CYP2J2: variants seen among roughly 807,000 people sequenced by gnomAD.
The protein encoded by CYP2J2 is cytochrome P450 family 2 subfamily J member 2.
A neutral mutation model predicts 48.8 loss-of-function variants in CYP2J2; 41 were observed. The observed-to-expected ratio is 0.84, with a 90% CI of 0.66 to 1.09. CYP2J2 has a LOEUF of 1.09. Ranked by LOEUF, CYP2J2 falls within the 50% of genes least tolerant of loss-of-function variation. The probability of loss-of-function intolerance (pLI) is 0.00; values close to 1 mark genes in which losing one functional copy is unlikely to be tolerated. For synonymous variants in CYP2J2, 221 were observed against 227.1 expected, an observed-to-expected ratio of 0.97 and a Z score of 0.24; for missense variants, 644 against 617.3, an observed-to-expected ratio of 1.04 and a Z score of -0.46.
At chr1:59,917,239 A>G (rs1477302840) in intron 1 of CYP2J2, among the ~76,000 whole-genome samples, 5 of 152,148 alleles carry the variant, frequency 3.3e-5, no homozygotes, top group African/African-American at 1.2e-4. Flanking sequence ...CCACCCAGCG[A>G]GTCTCCGAGG....
At chr1:59,949,770 T>C in the CYP2J2 span, among the ~76,000 whole-genome samples, 1 of 151,940 alleles carries the variant, frequency 6.6e-6, no homozygotes, top group East Asian at 1.9e-4. Context: ...CAGATATTTA[T>C]TTTTCCCTTC....
At position 59,912,314 on chromosome 1, in the gene CYP2J2, G is replaced by A; in HGVS notation, c.374-3C>T. ...CTGGCCACTTGACATAATCAATCCTGGGAAAAAGAAAGTCAACATTACAGT... is the reference window on the plus strand; with the variant it reads ...CTGGCCACTTGACATAATCAATCCTAGGAAAAAGAAAGTCAACATTACAGT... On this transcript the variant is annotated splice_polypyrimidine_tract_variant and splice_region_variant and intron_variant, in intron 2 of 8. Transcript: ENST00000371204. 1 of 1,607,730 alleles carries A rather than the reference G, an allele frequency of 6.2e-7. No homozygotes were observed. The highest frequency in any genetic ancestry group is 8.5e-7 in the Non-Finnish European group (1 of 1,177,770).
intron 1 of CYP2J2, among the ~76,000 whole-genome samples, chr1:59,919,860 A>G (rs1218568339): frequency 6.6e-6 from 1 of 152,206 alleles, no homozygotes; most frequent in African/African-American, 2.4e-5. Flanking sequence ...TTCATGTTCA[A>G]TTTAACAGGC....
intron 5 of CYP2J2, among the ~76,000 whole-genome samples, chr1:59,908,380 G>A (rs780433386): frequency 1.4e-4 from 22 of 152,182 alleles, no homozygotes; most frequent in African/African-American, 4.3e-4. Flanking sequence ...ATGCAAGGAC[G>A]CAGAGCAAAT....
chr1:59,894,944 C>A (rs1644255979), intron 8 of CYP2J2, among the ~76,000 whole-genome samples: 1 of 152,128 alleles, frequency 6.6e-6, no homozygotes, highest in South Asian at 2.1e-4. Flanking sequence ...GCCTTTTATT[C>A]TGAAATAATT....
chr1:59,953,489 G>C, the CYP2J2 span, among the ~76,000 whole-genome samples: 1 of 148,420 alleles, frequency 6.7e-6, no homozygotes, highest in Non-Finnish European at 1.5e-5. Flanking sequence ...TTGATAGAGA[G>C]AGACACCAGT....
At chr1:59,962,081 T>C in the CYP2J2 span, among the ~76,000 whole-genome samples, 2 of 152,036 alleles carry the variant, frequency 1.3e-5, no homozygotes, top group Non-Finnish European at 2.9e-5. Context: ...ACCAAAAACA[T>C]TTAATTGTAT....
intron 4 of CYP2J2, among the ~76,000 whole-genome samples, chr1:59,911,305 A>T (rs1391723237): frequency 6.6e-6 from 1 of 152,132 alleles, no homozygotes; most frequent in Admixed American, 6.6e-5. Context: ...GAGAGGAGAG[A>T]CTCAAGGGCA....
At chr1:59,925,760 A>G (rs969504209) in intron 1 of CYP2J2, among the ~76,000 whole-genome samples, 2 of 152,226 alleles carry the variant, frequency 1.3e-5, no homozygotes, top group East Asian at 3.8e-4. Flanking sequence ...ACTATTTGTT[A>G]TGTACCAACT....
At chr1:59,931,262 C>T (rs918625561), upstream of CYP2J2, among the ~76,000 whole-genome samples, 2 of 152,022 alleles carry the variant, frequency 1.3e-5, no homozygotes, top group Admixed American at 6.6e-5. Flanking sequence ...TATATTTAAG[C>T]TGTAATTGAC....
chr1:59,917,488 G>A (rs1644476619), intron 1 of CYP2J2, among the ~76,000 whole-genome samples: 1 of 152,228 alleles, frequency 6.6e-6, no homozygotes, highest in East Asian at 1.9e-4. Flanking sequence ...AAGCTATTGA[G>A]TGGTGCAGGG....
chr1:59,932,555 A>G, the CYP2J2 span, among the ~76,000 whole-genome samples: 1 of 152,208 alleles, frequency 6.6e-6, no homozygotes, highest in Non-Finnish European at 1.5e-5. Context: ...GTTTTTTACT[A>G]GTAGACATGC....
At chr1:59,959,230 TCTAA>T in the CYP2J2 span, among the ~76,000 whole-genome samples, 7 of 152,192 alleles carry the variant, frequency 4.6e-5, no homozygotes, top group African/African-American at 9.7e-5. Flanking sequence ...ACTCCATGTC[TCTAA>T]CTGCTATTTT....
At chr1:59,895,089 C>CA (rs1397236200) in intron 8 of CYP2J2, among the ~76,000 whole-genome samples, 5 of 152,334 alleles carry the variant, frequency 3.3e-5, no homozygotes, top group African/African-American at 9.6e-5. Flanking sequence ...CCAACATAGT[C>CA]AAAATGCAAC....
chr1:59,954,912 G>A, the CYP2J2 span, among the ~76,000 whole-genome samples: 1 of 151,830 alleles, frequency 6.6e-6, no homozygotes, highest in African/African-American at 2.4e-5. Flanking sequence ...TGAGGTGGGC[G>A]GATCACTTGA....
intron 8 of CYP2J2, among the ~76,000 whole-genome samples, chr1:59,894,374 C>T (rs537501832): frequency 1.4e-4 from 21 of 152,278 alleles, no homozygotes; most frequent in African/African-American, 4.6e-4. Context: ...TGGCCTTCCT[C>T]CTTCAGTGGT....
At position 59,900,978 on chromosome 1, in the gene CYP2J2, C is replaced by G; in HGVS notation, c.1317G>C (p.Met439Ile). Reference sequence around the variant, plus strand: ...ACTACAACTTACCTATTGAGAAAGGCATAAAGGCTTCCCTTTTCTTAAACT... The same window carrying G: ...ACTACAACTTACCTATTGAGAAAGGGATAAAGGCTTCCCTTTTCTTAAACT... ...NGQFKKREAF[M>I]PFSIGKRACL... Residue 439 changes from methionine to isoleucine, a missense_variant, in exon 8 of 9, where the codon ATG becomes ATC. Met to Ile is a conservative substitution (Grantham distance 10). Transcript: ENST00000371204. The G allele has an allele frequency of 1.2e-6, 2 of 1,614,078 alleles. No homozygotes were observed. Among genetic ancestry groups the G allele is most frequent in the Non-Finnish European group, 1.7e-6 (2 of 1,179,974 alleles).
chr1:59,910,527 A>G (rs765354712), intron 4 of CYP2J2, among the ~76,000 whole-genome samples: 21 of 152,220 alleles, frequency 1.4e-4, no homozygotes, highest in Non-Finnish European at 2.4e-4. Context: ...TTTCAAAAAT[A>G]AAGTCATTTT....
At chr1:59,949,960 CTGT>C in the CYP2J2 span, among the ~76,000 whole-genome samples, 18 of 152,052 alleles carry the variant, frequency 1.2e-4, no homozygotes, top group Non-Finnish European at 5.9e-5. Flanking sequence ...CTTTTTCCTC[CTGT>C]TGTTGTTCTG....
Sources: allele counts gnomAD v4.1 joint callset (sites outside exome capture counted in the v4.1 genomes callset), GRCh38; gene constraint gnomAD v4.1.1; transcripts MANE v1.5; gene names NCBI Gene and HGNC (gene_info 2026-07-23, HGNC 2026-07-21).